SEMA5A: variants seen among roughly 807,000 people sequenced by gnomAD.
SEMA5A encodes the protein semaphorin-5A.
In SEMA5A, 55 loss-of-function variants were observed where a neutral mutation model predicts 135.5. The ratio of observed to expected loss-of-function variants is 0.41; its 90% CI spans 0.33 to 0.51. SEMA5A has a LOEUF of 0.51. Ranked by LOEUF, SEMA5A falls within the 20% of genes least tolerant of loss-of-function variation. The pLI is 0.37. For synonymous variants in SEMA5A, 580 were observed against 546.5 expected (o/e 1.06, Z -0.85); for missense variants, 1,290 against 1,419.9 (o/e 0.91, Z 1.47).
chr5:9,495,092 T>C (rs1174818384), intron 1 of SEMA5A, among the ~76,000 whole-genome samples: 1 of 152,160 alleles, frequency 6.6e-6, no homozygotes, highest in African/African-American at 2.4e-5. Context: ...TTCCAAAGTG[T>C]TTAAATTCTA....
At chr5:9,513,989 C>T (rs1280422268) in intron 1 of SEMA5A, among the ~76,000 whole-genome samples, 2 of 152,100 alleles carry the variant, frequency 1.3e-5, no homozygotes, top group African/African-American at 2.4e-5. Flanking sequence ...AAATCTAAAA[C>T]GAGTTTCCTT....
At chr5:9,240,271 GAATT>G (rs1748125702) in intron 5 of SEMA5A, among the ~76,000 whole-genome samples, 1 of 151,964 alleles carries the variant, frequency 6.6e-6, no homozygotes, top group Admixed American at 6.6e-5. Context: ...TTCAAATCCA[GAATT>G]AATTAAAGAC....
At chr5:9,220,141 G>A (rs1201265905) in intron 8 of SEMA5A, among the ~76,000 whole-genome samples, 1 of 152,192 alleles carries the variant, frequency 6.6e-6, no homozygotes, top group African/African-American at 2.4e-5. Flanking sequence ...ACTTGTAAGT[G>A]GGAGCTAAGC....
In SEMA5A at chr5:9,450,944, G is replaced by A. The variant is rs551976777; in HGVS notation, c.-174-13092C>T. 1.5e-4 allele frequency among the ~76,000 whole-genome samples: 23 copies of A among 152,256 alleles called. No homozygotes were observed. The South Asian group carries it at 4.8e-3, about 32-fold the overall frequency. On this transcript the variant is annotated intron_variant, in intron 1 of 22. Coordinates refer to ENST00000382496, the MANE Select transcript of SEMA5A (RefSeq NM_003966.3). ...GCTTTTTAGGTCTGTGGATGGGAAG[G>A]TACTCCATAAGAGAAATCAGCCTAA...
intron 5 of SEMA5A, among the ~76,000 whole-genome samples, chr5:9,270,661 G>A (rs1749925829): frequency 6.6e-6 from 1 of 151,968 alleles, no homozygotes; most frequent in Non-Finnish European, 1.5e-5. Flanking sequence ...TACCTAGAAA[G>A]CAGCAGCCCA....
chr5:9,092,921 A>C (rs1388066530), intron 16 of SEMA5A, among the ~76,000 whole-genome samples: 1 of 152,224 alleles, frequency 6.6e-6, no homozygotes, highest in Non-Finnish European at 1.5e-5. Flanking sequence ...AGAAAACAAT[A>C]GTGAAAAAAA....
intron 3 of SEMA5A, among the ~76,000 whole-genome samples, chr5:9,361,064 C>T (rs567764403): frequency 2.6e-4 from 40 of 152,086 alleles, no homozygotes; most frequent in Non-Finnish European, 2.2e-4. Flanking sequence ...TTTGGGAGGC[C>T]GAGGCAGGCA....
intron 16 of SEMA5A, among the ~76,000 whole-genome samples, chr5:9,095,561 T>TTTGAAATAA (rs1288645847): frequency 6.6e-6 from 1 of 152,200 alleles, no homozygotes; most frequent in Non-Finnish European, 1.5e-5. Flanking sequence ...TAGTCAATGT[T>TTTGAAATAA]TTGAAATAAT....
At chr5:9,221,456 C>T (rs1014208856) in intron 8 of SEMA5A, among the ~76,000 whole-genome samples, 1 of 151,686 alleles carries the variant, frequency 6.6e-6, no homozygotes, top group Non-Finnish European at 1.5e-5. Flanking sequence ...GCGCCCACCA[C>T]CACGCCCGGC....
chr5:9,392,912 G>T (rs1756229492), intron 2 of SEMA5A, among the ~76,000 whole-genome samples: 1 of 152,210 alleles, frequency 6.6e-6, no homozygotes, highest in South Asian at 2.1e-4. Flanking sequence ...CAAGTTTCAG[G>T]AGCACTGCTA....
At chr5:9,091,431 A>G (rs958812953) in intron 16 of SEMA5A, among the ~76,000 whole-genome samples, 1 of 152,178 alleles carries the variant, frequency 6.6e-6, no homozygotes, top group Admixed American at 6.5e-5. Context: ...AGGATAGAGC[A>G]GTGTAGGTCC....
intron 5 of SEMA5A, among the ~76,000 whole-genome samples, chr5:9,286,901 A>G (rs1750823447): frequency 6.6e-6 from 1 of 152,256 alleles, no homozygotes; most frequent in South Asian, 2.1e-4. Flanking sequence ...CTCCTTCTGC[A>G]CCTTGGACCA....
intron 21 of SEMA5A, among the ~76,000 whole-genome samples, chr5:9,047,230 T>C (rs1320989023): frequency 6.6e-6 from 1 of 152,242 alleles, no homozygotes; most frequent in Non-Finnish European, 1.5e-5. Context: ...CGGTAACTCA[T>C]GTTTCATTAT....
chr5:9,053,976 A>AC (rs888733964), intron 19 of SEMA5A, 111 bp downstream of exon 19: 5 of 1,287,800 alleles, frequency 3.9e-6, no homozygotes, highest in South Asian at 1.5e-5. Flanking sequence ...TAACTTGCCC[A>AC]CCCCCCTTTC....
At chr5:9,176,801 C>A (rs917182823) in intron 11 of SEMA5A, among the ~76,000 whole-genome samples, 3 of 152,160 alleles carry the variant, frequency 2.0e-5, no homozygotes, top group African/African-American at 7.2e-5. Flanking sequence ...AGTGGCCTAG[C>A]CTGTAGCATG....
At chr5:9,093,909 G>A (rs893559735) in intron 16 of SEMA5A, among the ~76,000 whole-genome samples, 2 of 152,064 alleles carry the variant, frequency 1.3e-5, no homozygotes, top group African/African-American at 4.8e-5. Flanking sequence ...GAGACTTTCA[G>A]GGAAGCTCCT....
At chr5:9,143,162 T>C (rs1176684817) in intron 12 of SEMA5A, among the ~76,000 whole-genome samples, 2 of 152,196 alleles carry the variant, frequency 1.3e-5, no homozygotes, top group East Asian at 1.9e-4. Context: ...CTAGACAGTA[T>C]ATAAAAAAGG....
intron 1 of SEMA5A, among the ~76,000 whole-genome samples, chr5:9,450,043 A>G (rs1758578314): frequency 6.6e-6 from 1 of 152,202 alleles, no homozygotes; most frequent in Admixed American, 6.5e-5. Context: ...ATAAAAGCTC[A>G]ACTTTGCACA....
intron 5 of SEMA5A, among the ~76,000 whole-genome samples, chr5:9,316,881 T>C (rs929799716): frequency 1.3e-5 from 2 of 152,220 alleles, no homozygotes; most frequent in Admixed American, 6.5e-5. Flanking sequence ...CACCATGTCA[T>C]ACAATGGATC....
Sources: gnomAD v4.1 joint callset for allele counts (sites outside exome capture counted in the v4.1 genomes callset) on GRCh38, gnomAD v4.1.1 for gene constraint, MANE v1.5 for transcripts, NCBI Gene and HGNC (gene_info 2026-07-23, HGNC 2026-07-21) for gene names.